Variants in PYGO1 observed in about 807,000 individuals in gnomAD.
The protein encoded by PYGO1 is pygopus homolog 1.
PYGO1 carries 6 observed loss-of-function variants against 29.5 expected under a neutral mutation model. That is an observed-to-expected ratio of 0.20 (90% confidence interval 0.11 to 0.40). The LOEUF (loss-of-function observed/expected upper bound fraction) is 0.40, where lower values mean the gene tolerates loss of function less well. PYGO1 is among the 10% of genes least tolerant of loss of function. The pLI is 1.00. For synonymous variants in PYGO1, 186 were observed against 180.5 expected (o/e 1.03, Z -0.24); for missense variants, 515 against 514.9 (o/e 1.00, Z 0.00).
At chr15:55,575,277 G>A (rs1236935477) in intron 1 of PYGO1, among the ~76,000 whole-genome samples, 1 of 152,194 alleles carries the variant, frequency 6.6e-6, no homozygotes, top group Non-Finnish European at 1.5e-5. Context: ...TAAAGCCCAT[G>A]AACTTGGATT....
chr15:55,585,368 C>T (rs896812582), intron 1 of PYGO1, among the ~76,000 whole-genome samples: 1 of 152,088 alleles, frequency 6.6e-6, no homozygotes, highest in Non-Finnish European at 1.5e-5. Context: ...TTATGCCCTG[C>T]AAACACCACA....
At chr15:55,549,419 G>A (rs1442892785) in intron 1 of PYGO1, among the ~76,000 whole-genome samples, 3 of 152,112 alleles carry the variant, frequency 2.0e-5, no homozygotes, top group Non-Finnish European at 2.9e-5. Context: ...TTCTTACTTG[G>A]AGATCATTCC....
chr15:55,555,550 C>A (rs1224760417), intron 1 of PYGO1, among the ~76,000 whole-genome samples: 1 of 146,852 alleles, frequency 6.8e-6, no homozygotes, highest in African/African-American at 2.5e-5. Context: ...GGAGGGATAG[C>A]ATTAGGAGAT....
Position 55,587,927 on chromosome 15 carries a change from G to C in PYGO1, c.-44C>G. 6.8e-7 allele frequency: 1 copy of C among 1,463,680 alleles called. No homozygotes were observed. Among genetic ancestry groups the C allele is most frequent in the Non-Finnish European group, 9.0e-7 (1 of 1,106,086 alleles). 90.7% of individuals were successfully genotyped at this position (1,463,680 alleles called of 1,614,324 possible). A position where few individuals can be genotyped will look rare whatever the true frequency, so the allele number is the denominator to read the frequency against. ...ACTCCCCCCCAGGCCGCGGGAATTC[G>C]GTCTCTTTGATGCTGCGGCGGCGGC... On this transcript the variant is annotated 5_prime_UTR_variant, in exon 1 of 3. Coordinates refer to ENST00000563719, the MANE Select transcript of PYGO1 (RefSeq NM_001367806.1).
Position 55,542,697 on chromosome 15 carries a change from G to A in PYGO1, c.*3326C>T, listed in dbSNP as rs1480944896. 1 of 152,184 alleles carries A rather than the reference G, an allele frequency of 6.6e-6. No homozygotes were observed. The highest frequency in any genetic ancestry group is 1.5e-5 in the Non-Finnish European group (1 of 68,074). The allele number at this position is 152,184 out of a possible 1,614,324, so 9.4% of individuals were successfully genotyped here. A position where few individuals can be genotyped will look rare whatever the true frequency, so the allele number is the denominator to read the frequency against. ...TGTAATCCCAGCACTTTGGGAGGCT[G>A]AGGCGGGCAGATCACTTGAGGTCAG... is the stretch of plus-strand genomic sequence containing the variant. On this transcript the variant is annotated 3_prime_UTR_variant, in exon 3 of 3. Coordinates refer to ENST00000563719, the MANE Select transcript of PYGO1 (RefSeq NM_001367806.1).
At chr15:55,562,827 T>G (rs376208807) in intron 1 of PYGO1, among the ~76,000 whole-genome samples, 2 of 151,952 alleles carry the variant, frequency 1.3e-5, no homozygotes, top group Non-Finnish European at 2.9e-5. Context: ...TGAGAACAAG[T>G]CCTTGGCAGA....
At chr15:55,563,366 CTTTTT>C (rs746208614) in intron 1 of PYGO1, among the ~76,000 whole-genome samples, 2 of 128,784 alleles carry the variant, frequency 1.6e-5, no homozygotes, top group African/African-American at 5.7e-5. Context: ...TGAATAAATT[CTTTTT>C]TTTTTTTTTT....
chr15:55,583,020 A>G (rs999284231), intron 1 of PYGO1, among the ~76,000 whole-genome samples: 6 of 152,068 alleles, frequency 3.9e-5, no homozygotes, highest in African/African-American at 1.4e-4. Flanking sequence ...CTTCTATGTT[A>G]TTTCTAACTC....
At chr15:55,553,463 T>C (rs566786000) in intron 1 of PYGO1, among the ~76,000 whole-genome samples, 10 of 152,178 alleles carry the variant, frequency 6.6e-5, no homozygotes, top group African/African-American at 2.4e-4. Flanking sequence ...TGGCGTAGCC[T>C]TGGCTCACTG....
rs1201947623 is a variant in PYGO1 at position 55,587,936 on chromosome 15, G to A, written c.-53C>T. ...CAGGCCGCGGGAATTCGGTCTCTTT[G>A]ATGCTGCGGCGGCGGCTCCTCCTCC... On this transcript the variant is annotated 5_prime_UTR_variant, in exon 1 of 3. Transcript: ENST00000563719. 9 of 1,454,104 alleles carry A rather than the reference G, an allele frequency of 6.2e-6. No homozygotes were observed. The highest frequency in any genetic ancestry group is 1.5e-5 in the African/African-American group (1 of 68,360). 90.1% of individuals were successfully genotyped at this position (1,454,104 alleles called of 1,614,324 possible).
In PYGO1 at chr15:55,545,830, T is replaced by C. The variant is rs2058847104; in HGVS notation, c.*193A>G. 1 of 535,354 alleles carries C rather than the reference T, an allele frequency of 1.9e-6. No homozygotes were observed. The highest frequency in any genetic ancestry group is 3.9e-5 in the South Asian group (1 of 25,384). The allele number at this position is 535,354 out of a possible 1,614,324, so 33.2% of individuals were successfully genotyped here. On this transcript the variant is annotated 3_prime_UTR_variant, in exon 3 of 3. Coordinates refer to ENST00000563719, the MANE Select transcript of PYGO1 (RefSeq NM_001367806.1). The stretch of plus-strand genomic sequence containing the variant: ...TTTATGTTTCTAAAGCACCCCCATA[T>C]ACATTATTCTCATTTAAGACAGCAA...
At chr15:55,567,427 C>G in intron 1 of PYGO1, among the ~76,000 whole-genome samples, 1 of 151,704 alleles carries the variant, frequency 6.6e-6, no homozygotes, top group East Asian at 1.9e-4. Flanking sequence ...AAGCTGGTCT[C>G]AAACTCCTTT....
At chr15:55,587,293 C>T (rs2059051364) in intron 1 of PYGO1, among the ~76,000 whole-genome samples, 1 of 151,772 alleles carries the variant, frequency 6.6e-6, no homozygotes, top group Admixed American at 6.6e-5. Context: ...CATAAACCAA[C>T]AGAGAAAATG....
intron 1 of PYGO1, among the ~76,000 whole-genome samples, chr15:55,576,472 A>G (rs2059002498): frequency 8.3e-6 from 1 of 120,354 alleles, no homozygotes; most frequent in Non-Finnish European, 1.7e-5. Flanking sequence ...AAAAAAAAAA[A>G]AAAAAAAAAA....
intron 2 of PYGO1, 76 bp downstream of exon 2, chr15:55,548,834 A>G (rs12917202): frequency 0.32 from 339,221 of 1,073,810 alleles, 66,679 homozygotes; most frequent in Middle Eastern, 0.43. Flanking sequence ...AAAACTTATG[A>G]CCAAGTTCAA....
At chr15:55,577,751 C>T (rs1236893608) in intron 1 of PYGO1, among the ~76,000 whole-genome samples, 1 of 147,896 alleles carries the variant, frequency 6.8e-6, no homozygotes, top group Non-Finnish European at 1.5e-5. Context: ...CACCCCCTGA[C>T]AATTACTAAT....
At chr15:55,570,043 G>C (rs1336415949) in intron 1 of PYGO1, among the ~76,000 whole-genome samples, 3 of 152,194 alleles carry the variant, frequency 2.0e-5, no homozygotes, top group Non-Finnish European at 4.4e-5. Context: ...GAGAAACAAA[G>C]GGCTTTCCCT....
At chr15:55,580,889 A>G (rs1188897258) in intron 1 of PYGO1, among the ~76,000 whole-genome samples, 1 of 152,138 alleles carries the variant, frequency 6.6e-6, no homozygotes, top group Non-Finnish European at 1.5e-5. Flanking sequence ...TTCTCTACAC[A>G]CCTGGGAAAA....
At position 55,546,636 on chromosome 15, in the gene PYGO1, A is replaced by G. The variant is rs578049597; in HGVS notation, c.647T>C (p.Leu216Ser). The change falls in exon 3 of 3, where the codon TTA becomes TCA. Residue 216 changes from leucine (L) to serine (S), a missense_variant. Coordinates refer to ENST00000563719, the MANE Select transcript of PYGO1 (RefSeq NM_001367806.1). ...AGGAATAAAAGAATGATTAGATTCT[A>G]ACGGAGAAGTAAAATTTGAATTATT... The part of the protein sequence containing the change: ...PGNNSNFTSP[L>S]ESNHSFIPPP... The G allele has an allele frequency of 7.4e-6, 12 of 1,614,106 alleles. No homozygotes were observed. In the East Asian group the frequency reaches 2.0e-4, roughly 27 times the overall value.
Sources: allele counts gnomAD v4.1 joint callset (sites outside exome capture counted in the v4.1 genomes callset), GRCh38; gene constraint gnomAD v4.1.1; transcripts MANE v1.5; gene names NCBI Gene and HGNC (gene_info 2026-07-23, HGNC 2026-07-21).